The following CHRM5 variants were observed in gnomAD, a reference collection of about 807,000 sequenced individuals.
CHRM5 encodes muscarinic acetylcholine receptor M5.
Under a neutral mutation model 39.0 loss-of-function variants are expected in CHRM5, and 18 were observed. The ratio of observed to expected loss-of-function variants is 0.46; its 90% CI spans 0.32 to 0.68. The LOEUF is 0.68. CHRM5 is among the 30% of genes least tolerant of loss of function. The pLI is 0.04. For synonymous variants in CHRM5, 241 were observed against 246.3 expected (o/e 0.98, Z 0.20); for missense variants, 515 against 651.1 (o/e 0.79, Z 2.28).
intron 1 of CHRM5, chr15:34,038,841 C>T (rs905932002): frequency 7.6e-6 from 9 of 1,186,694 alleles, no homozygotes; most frequent in African/African-American, 4.9e-5. Context: ...CGGGGCGCCT[C>T]CTCCTCCTCG....
chr15:34,056,036 C>T (rs7162678), intron 2 of CHRM5, among the ~76,000 whole-genome samples: 1,833 of 152,160 alleles, frequency 0.012, 43 homozygotes, highest in African/African-American at 0.037. Context: ...TATTGTTATA[C>T]GTGTTTAACA....
intron 1 of CHRM5, among the ~76,000 whole-genome samples, chr15:33,989,738 T>C (rs2140562985): frequency 6.6e-6 from 1 of 152,228 alleles, no homozygotes; most frequent in Non-Finnish European, 1.5e-5. Flanking sequence ...AAAGAGAATT[T>C]ATCAACTTCC....
At chr15:33,974,649 T>C (rs1323804325) in intron 1 of CHRM5, among the ~76,000 whole-genome samples, 1 of 152,134 alleles carries the variant, frequency 6.6e-6, no homozygotes. Flanking sequence ...CAGAAATCTG[T>C]GATTTGATGT....
intron 1 of CHRM5, among the ~76,000 whole-genome samples, chr15:34,033,553 A>G (rs1057109545): frequency 6.6e-6 from 1 of 152,200 alleles, no homozygotes; most frequent in African/African-American, 2.4e-5. Flanking sequence ...TATATTAATC[A>G]ATGTAATCTT....
chr15:34,040,489 T>C (rs1899423906), intron 1 of CHRM5, among the ~76,000 whole-genome samples: 1 of 152,222 alleles, frequency 6.6e-6, no homozygotes, highest in Non-Finnish European at 1.5e-5. Flanking sequence ...GTAACACTTG[T>C]AGAGCACTTA....
At chr15:34,003,940 T>C (rs1897234413) in intron 1 of CHRM5, among the ~76,000 whole-genome samples, 1 of 152,218 alleles carries the variant, frequency 6.6e-6, no homozygotes, top group South Asian at 2.1e-4. Context: ...TATTTTTAAA[T>C]ATTGAGAGGA....
intron 1 of CHRM5, among the ~76,000 whole-genome samples, chr15:34,026,533 C>T (rs1898479929): frequency 6.6e-6 from 1 of 152,064 alleles, no homozygotes; most frequent in Non-Finnish European, 1.5e-5. Context: ...GTGTCAATCA[C>T]ATATAAGCTG....
chr15:34,006,860 TA>T (rs975059523), intron 1 of CHRM5, among the ~76,000 whole-genome samples: 1 of 152,204 alleles, frequency 6.6e-6, no homozygotes, highest in African/African-American at 2.4e-5. Context: ...CTAGAGGTTT[TA>T]TAGGTTCATT....
chr15:34,051,255 A>C (rs1597388718), intron 2 of CHRM5, among the ~76,000 whole-genome samples: 1 of 152,028 alleles, frequency 6.6e-6, no homozygotes, highest in Admixed American at 6.6e-5. Context: ...TCCTGGGCAA[A>C]TAATGAAATT....
At chr15:33,995,867 C>T (rs572547344) in intron 1 of CHRM5, among the ~76,000 whole-genome samples, 15 of 152,312 alleles carry the variant, frequency 9.8e-5, no homozygotes, top group African/African-American at 3.4e-4. Context: ...CGAGCTGAAG[C>T]GGGGCGGGGC....
At chr15:34,002,795 C>T (rs1204819549) in intron 1 of CHRM5, among the ~76,000 whole-genome samples, 1 of 152,112 alleles carries the variant, frequency 6.6e-6, no homozygotes, top group African/African-American at 2.4e-5. Flanking sequence ...TATAGAAAGC[C>T]TTTTATCTAT....
chr15:34,014,829 C>T (rs1897812347), intron 1 of CHRM5, among the ~76,000 whole-genome samples: 1 of 152,080 alleles, frequency 6.6e-6, no homozygotes, highest in African/African-American at 2.4e-5. Context: ...AACTAACTGG[C>T]CAAAAGCTCT....
intron 1 of CHRM5, among the ~76,000 whole-genome samples, chr15:33,987,143 C>A (rs1216928032): frequency 6.6e-6 from 1 of 152,120 alleles, no homozygotes; most frequent in East Asian, 1.9e-4. Context: ...AATTCTGAGA[C>A]CAGTGCAGTA....
chr15:34,002,604 G>A lies in CHRM5; in HGVS notation c.-408+33454G>A, dbSNP rs141582155. On this transcript the variant is annotated intron_variant, in intron 1 of 2. Transcript: ENST00000383263. ...TCAAGTGCATATAGCTCCAATATGT[G>A]CATATCCACTACTATGTATATACCT... is the stretch of plus-strand genomic sequence containing the variant. 2.7e-3 allele frequency among the ~76,000 whole-genome samples: 411 copies of A among 152,048 alleles called. 2 individuals carry two copies. Among genetic ancestry groups the A allele is most frequent in the African/African-American group, 9.6e-3 (399 of 41,476 alleles).
At chr15:34,009,396 C>T (rs1447284541) in intron 1 of CHRM5, among the ~76,000 whole-genome samples, 1 of 152,130 alleles carries the variant, frequency 6.6e-6, no homozygotes, top group African/African-American at 2.4e-5. Flanking sequence ...CTCTTGTCTT[C>T]CCTTTACTGA....
chr15:33,999,283 C>A (rs751137829), intron 1 of CHRM5, among the ~76,000 whole-genome samples: 7 of 152,212 alleles, frequency 4.6e-5, no homozygotes, highest in Admixed American at 6.5e-5. Flanking sequence ...CTCTATGACT[C>A]CCTTCAAATT....
intron 1 of CHRM5, among the ~76,000 whole-genome samples, chr15:34,017,889 T>C (rs2140699077): frequency 6.6e-6 from 1 of 152,302 alleles, no homozygotes; most frequent in Non-Finnish European, 1.5e-5. Flanking sequence ...AGTGGTCCCA[T>C]AAGGTTATAA....
intron 1 of CHRM5, among the ~76,000 whole-genome samples, chr15:34,017,622 G>A (rs1350796227): frequency 6.6e-6 from 1 of 151,806 alleles, no homozygotes; most frequent in East Asian, 1.9e-4. Context: ...TGTGACTACA[G>A]GTGCATGCCA....
chr15:34,017,368 G>C lies in CHRM5; in HGVS notation c.-407-29172G>C, dbSNP rs994642495. Among the ~76,000 whole-genome samples the C allele has an allele frequency of 3.3e-5, 5 of 151,544 alleles. No homozygotes were observed. The South Asian group carries it at 6.2e-4, about 19-fold the overall frequency. ...TTCCCCAAAGAATGACATTTCAAAA[G>C]AGAAAATATCAATCACCTAAGATTT... On this transcript the variant is annotated intron_variant, in intron 1 of 2. Transcript: ENST00000383263.
Sources: allele counts gnomAD v4.1 joint callset (sites outside exome capture counted in the v4.1 genomes callset), GRCh38; gene constraint gnomAD v4.1.1; transcripts MANE v1.5; gene names NCBI Gene and HGNC (gene_info 2026-07-23, HGNC 2026-07-21).